Variants in CYRIB observed in about 807,000 individuals in gnomAD.
CYRIB encodes CYFIP related Rac1 interactor B, also known as CYFIP-related Rac1 interactor B.
Under a neutral mutation model 44.2 loss-of-function variants are expected in CYRIB, and 8 were observed. The observed-to-expected ratio is 0.18, with a 90% CI of 0.11 to 0.33. The LOEUF is 0.33. Among genes scored for constraint, CYRIB ranks in the 10% least tolerant of loss-of-function variants. The probability of loss-of-function intolerance (pLI) is 1.00; values close to 1 mark genes in which losing one functional copy is unlikely to be tolerated. For missense variants in CYRIB, 185 were observed against 382.8 expected (o/e 0.48, Z 4.31); for synonymous variants, 131 against 127.2 (o/e 1.03, Z -0.20).
At chr8:129,854,451 T>C (rs2045043913) in intron 6 of CYRIB, 108 bp from the exon 9 acceptor site, 1 of 731,096 alleles carries the variant, frequency 1.4e-6, no homozygotes, top group Non-Finnish European at 2.2e-6. Flanking sequence ...CCATAATTCA[T>C]AGTATCATTT....
intron 2 of CYRIB, among the ~76,000 whole-genome samples, chr8:129,882,935 C>T (rs911171264): frequency 1.8e-4 from 27 of 151,772 alleles, no homozygotes; most frequent in Admixed American, 7.2e-4. Context: ...CAGTGGCTCA[C>T]GCTTGTAATC....
intron 8 of CYRIB, 147 bp from the exon 11 acceptor site, chr8:129,851,061 A>G (rs1156972309): frequency 1.6e-6 from 1 of 612,890 alleles, no homozygotes; most frequent in Non-Finnish European, 2.9e-6. Context: ...CTAGACTCTA[A>G]GCAACTGTTC....
chr8:129,962,892 T>A (rs2095327447), intron 2 of CYRIB, among the ~76,000 whole-genome samples: 1 of 152,220 alleles, frequency 6.6e-6, no homozygotes, highest in South Asian at 2.1e-4. Flanking sequence ...AAACCTGCAA[T>A]CTTTCCCTCA....
At chr8:129,861,773 T>C (rs1053371680) in intron 5 of CYRIB, among the ~76,000 whole-genome samples, 2 of 152,114 alleles carry the variant, frequency 1.3e-5, no homozygotes, top group African/African-American at 4.8e-5. Context: ...TCTACAGTTT[T>C]AGATACATGA....
At chr8:130,016,663 G>A (rs1310244675), upstream of CYRIB, 1 of 148,630 alleles carries the variant, frequency 6.7e-6, no homozygotes, top group Non-Finnish European at 1.5e-5. Context: ...GCCTCGCGAC[G>A]CGCCTCCCCC....
chr8:129,856,825 G>A (rs992298978), intron 5 of CYRIB, among the ~76,000 whole-genome samples: 3 of 152,130 alleles, frequency 2.0e-5, no homozygotes, highest in African/African-American at 7.2e-5. Flanking sequence ...GCTAGTAAAT[G>A]CTAGGTATTT....
intron 1 of CYRIB, among the ~76,000 whole-genome samples, chr8:129,932,576 TACTA>T (rs1188098418): frequency 6.6e-6 from 1 of 152,206 alleles, no homozygotes; most frequent in Non-Finnish European, 1.5e-5. Flanking sequence ...CTCTGGCTAC[TACTA>T]TTATAGAGAA....
At chr8:130,008,146 T>C (rs561066491) in intron 1 of CYRIB, among the ~76,000 whole-genome samples, 1 of 151,906 alleles carries the variant, frequency 6.6e-6, no homozygotes, top group Non-Finnish European at 1.5e-5. Flanking sequence ...GAGGTGGAGG[T>C]TGCAGTGAGC....
At chr8:129,931,899 T>C (rs1347269127) in intron 1 of CYRIB, among the ~76,000 whole-genome samples, 2 of 152,176 alleles carry the variant, frequency 1.3e-5, no homozygotes, top group African/African-American at 2.4e-5. Flanking sequence ...ATTGCTGGGA[T>C]TGCAGGCGTG....
intron 2 of CYRIB, among the ~76,000 whole-genome samples, chr8:129,887,481 T>C (rs1012747831): frequency 2.0e-5 from 3 of 152,082 alleles, no homozygotes. Flanking sequence ...AAATGTAGGG[T>C]TGGAGTCCTC....
chr8:129,852,311 T>C, intron 7 of CYRIB, 33 bp from the exon 10 acceptor site: 1 of 1,327,246 alleles, frequency 7.5e-7, no homozygotes, highest in Non-Finnish European at 1.0e-6. Context: ...GGATGTTAGT[T>C]CACAAATTAT....
chr8:129,946,147 G>C (rs181810015), intron 2 of CYRIB, among the ~76,000 whole-genome samples: 1 of 152,110 alleles, frequency 6.6e-6, no homozygotes, highest in Non-Finnish European at 1.5e-5. Flanking sequence ...TGACCTCAGC[G>C]TAAGCTCCCT....
rs2036530324 is a variant in CYRIB at position 129,841,945 on chromosome 8, C to T, written c.*197G>A. 19 of 545,232 alleles carry T rather than the reference C, an allele frequency of 3.5e-5. No homozygotes were observed. The South Asian group carries it at 4.8e-4, about 14-fold the overall frequency. 33.8% of individuals were successfully genotyped at this position (545,232 alleles called of 1,614,324 possible). A position where few individuals can be genotyped will look rare whatever the true frequency, so the allele number is the denominator to read the frequency against. On this transcript the variant is annotated 3_prime_UTR_variant, in exon 12 of 12. Transcript: ENST00000519824. ...ATGGCCCGTTTGAAAGGATGATATCCCTTCAGAGTGTAACTTTACTGATTT... is the reference window on the plus strand; with the variant it reads ...ATGGCCCGTTTGAAAGGATGATATCTCTTCAGAGTGTAACTTTACTGATTT...
At chr8:129,881,343 T>A (rs931556964) in intron 2 of CYRIB, among the ~76,000 whole-genome samples, 1 of 152,206 alleles carries the variant, frequency 6.6e-6, no homozygotes, top group Non-Finnish European at 1.5e-5. Context: ...CCAATTGCTA[T>A]GTGTTTTTCT....
chr8:129,876,848 A>G (rs1488814528), intron 3 of CYRIB, among the ~76,000 whole-genome samples: 1 of 152,248 alleles, frequency 6.6e-6, no homozygotes, highest in Non-Finnish European at 1.5e-5. Flanking sequence ...GGTGACATGA[A>G]TATTAAAGTG....
chr8:129,857,821 C>T (rs1353159735), intron 5 of CYRIB, among the ~76,000 whole-genome samples: 2 of 152,128 alleles, frequency 1.3e-5, no homozygotes, highest in African/African-American at 2.4e-5. Context: ...CAGAAAAAAA[C>T]ATTTTTACAA....
At chr8:129,871,948 G>C (rs545587763) in intron 3 of CYRIB, among the ~76,000 whole-genome samples, 9 of 152,080 alleles carry the variant, frequency 5.9e-5, no homozygotes, top group Admixed American at 3.9e-4. Flanking sequence ...TTCCTATAAA[G>C]TTCATTTTAC....
exon 12 of CYRIB, chr8:129,841,310 A>T (rs1031049110): frequency 1.3e-5 from 2 of 152,258 alleles, no homozygotes; most frequent in Non-Finnish European, 2.9e-5. Context: ...AAAGGCAATT[A>T]AAAGTATATA....
At position 129,979,018 on chromosome 8, in the gene CYRIB, G is replaced by A. The variant is rs144991258; in HGVS notation, c.-295-8023C>T. Among the ~76,000 whole-genome samples, 350 of 152,120 alleles carry A rather than the reference G, an allele frequency of 2.3e-3. 1 individual carries two copies. The highest frequency in any genetic ancestry group is 7.9e-3 in the African/African-American group (328 of 41,506). Reference sequence around the variant, plus strand: ...TAGCTGGGCGTAGTGGTGTGTGCCTGTAATCCCAGCTACTCAGGAGGCTGA... The same window carrying A: ...TAGCTGGGCGTAGTGGTGTGTGCCTATAATCCCAGCTACTCAGGAGGCTGA... On this transcript the variant is annotated intron_variant, in intron 1 of 14. Transcript: ENST00000401979.
Sources: allele counts gnomAD v4.1 joint callset (sites outside exome capture counted in the v4.1 genomes callset), GRCh38; gene constraint gnomAD v4.1.1; transcripts MANE v1.5; gene names NCBI Gene and HGNC (gene_info 2026-07-23, HGNC 2026-07-21).